FBXO36: variants seen among roughly 807,000 people sequenced by gnomAD.
FBXO36 encodes the protein F-box only protein 36.
Under a neutral mutation model 17.0 loss-of-function variants are expected in FBXO36, and 18 were observed. That is an observed-to-expected ratio of 1.06 (90% CI 0.73 to 1.57). The LOEUF (loss-of-function observed/expected upper bound fraction) is 1.57. Among genes scored for constraint, FBXO36 ranks in the 40% most tolerant of loss-of-function variants. The pLI is 0.00. For missense variants in FBXO36, 229 were observed against 221.9 expected (o/e 1.03, Z -0.20); for synonymous variants, 83 against 85.3 (o/e 0.97, Z 0.15).
chr2:229,973,194 T>C (rs2077189911), intron 1 of FBXO36: 1 of 149,372 alleles, frequency 6.7e-6, no homozygotes, highest in Admixed American at 6.8e-5. Context: ...CAGTTGACAC[T>C]CCTCTCAACG....
intron 1 of FBXO36, among the ~76,000 whole-genome samples, chr2:229,949,492 A>G (rs1022562468): frequency 6.6e-6 from 1 of 151,994 alleles, no homozygotes; most frequent in Non-Finnish European, 1.5e-5. Context: ...ATAAGAAGAG[A>G]TTATAGACAA....
At chr2:229,951,661 C>T (rs997400775) in intron 1 of FBXO36, among the ~76,000 whole-genome samples, 2 of 152,118 alleles carry the variant, frequency 1.3e-5, no homozygotes, top group Non-Finnish European at 2.9e-5. Flanking sequence ...CTATCTTCTC[C>T]CTTAAAGTTT....
intron 1 of FBXO36, among the ~76,000 whole-genome samples, chr2:229,969,920 A>C (rs1489286993): frequency 6.6e-6 from 1 of 152,180 alleles, no homozygotes; most frequent in African/African-American, 2.4e-5. Context: ...ATGGCAGATA[A>C]ATGCATGAAA....
At chr2:229,992,524 T>A (rs942564902) in intron 2 of FBXO36, among the ~76,000 whole-genome samples, 1 of 152,164 alleles carries the variant, frequency 6.6e-6, no homozygotes, top group Admixed American at 6.6e-5. Flanking sequence ...AATGGTTTCT[T>A]CTTGGCTCTT....
At position 229,982,306 on chromosome 2, in the gene FBXO36, G is replaced by C. The variant is rs929656342; in HGVS notation, c.205+5957G>C. Reference sequence around the variant, plus strand: ...CTCCCGTAGTGCTGGGATTACATGCGTGGGCCACTGTGCCCAGCCTCCTTC... The same window carrying C: ...CTCCCGTAGTGCTGGGATTACATGCCTGGGCCACTGTGCCCAGCCTCCTTC... On this transcript the variant is annotated intron_variant, in intron 2 of 3. Coordinates refer to ENST00000283946, the MANE Select transcript of FBXO36 (RefSeq NM_174899.5). Among the ~76,000 whole-genome samples, 5 of 152,006 alleles carry C rather than the reference G, an allele frequency of 3.3e-5. No homozygotes were observed. In the East Asian group the frequency reaches 5.8e-4, roughly 18 times the overall value.
chr2:229,993,994 G>A (rs1019143072), intron 2 of FBXO36, among the ~76,000 whole-genome samples: 2 of 151,602 alleles, frequency 1.3e-5, no homozygotes, highest in South Asian at 2.1e-4. Context: ...GGTTGGTCTC[G>A]ATCTCCTGAC....
intron 2 of FBXO36, among the ~76,000 whole-genome samples, chr2:229,980,219 C>A (rs1399958426): frequency 4.0e-5 from 6 of 151,704 alleles, no homozygotes; most frequent in Non-Finnish European, 8.8e-5. Flanking sequence ...CACCACCACA[C>A]CTGGCTAATT....
At chr2:229,978,145 A>G (rs538999514) in intron 2 of FBXO36, among the ~76,000 whole-genome samples, 86 of 152,178 alleles carry the variant, frequency 5.7e-4, no homozygotes, top group African/African-American at 2.0e-3. Flanking sequence ...TAAATTAGCT[A>G]GGTGTGGTGA....
At chr2:229,932,145 G>A (rs989814724) in intron 1 of FBXO36, among the ~76,000 whole-genome samples, 2 of 152,020 alleles carry the variant, frequency 1.3e-5, no homozygotes, top group African/African-American at 2.4e-5. Context: ...ACTTCAGGAG[G>A]ACGAGGTGGG....
rs570902802 is a variant in FBXO36 at position 230,003,598 on chromosome 2, T to C, written c.378+6675T>C. Among the ~76,000 whole-genome samples the C allele has an allele frequency of 4.5e-4, 68 of 151,994 alleles. 1 individual carries two copies. The highest frequency in any genetic ancestry group is 1.5e-3 in the African/African-American group (62 of 41,466). ...CCCAGGCTGGAGTACAGTGGTGTGA[T>C]CTCAACTCACTGCAACCTCCACCTC... On this transcript the variant is annotated intron_variant, in intron 3 of 3. Transcript: ENST00000283946.
chr2:229,935,402 A>G (rs1419568702), intron 1 of FBXO36, among the ~76,000 whole-genome samples: 2 of 152,120 alleles, frequency 1.3e-5, no homozygotes, highest in African/African-American at 4.8e-5. Context: ...AATCCCAGCT[A>G]CTTGGGAGGT....
At chr2:229,982,357 A>G (rs965533839) in intron 2 of FBXO36, among the ~76,000 whole-genome samples, 2 of 152,058 alleles carry the variant, frequency 1.3e-5, no homozygotes, top group African/African-American at 4.8e-5. Flanking sequence ...CAACAATGGC[A>G]GGTCTTGTCT....
intron 1 of FBXO36, among the ~76,000 whole-genome samples, chr2:229,944,742 A>G (rs1047602488): frequency 1.1e-4 from 17 of 151,092 alleles, no homozygotes; most frequent in South Asian, 2.1e-4. Context: ...ACAGGCGCCC[A>G]CCACCACGCC....
intron 2 of FBXO36, among the ~76,000 whole-genome samples, chr2:229,988,505 C>CTTTGT (rs757013152): frequency 9.2e-5 from 14 of 151,992 alleles, no homozygotes; most frequent in South Asian, 2.1e-4. Flanking sequence ...TGGAGATATT[C>CTTTGT]TTTGTTTTGT....
chr2:229,950,597 C>A lies in FBXO36; in HGVS notation c.97-25644C>A, dbSNP rs199895751. On this transcript the variant is annotated intron_variant, in intron 1 of 3. Transcript: ENST00000283946. Reference sequence around the variant, plus strand: ...ATCATAGATCTAATTAGCTATTATTCGCAATTCATGAGTCAGGTCAGCCTC... The same window carrying A: ...ATCATAGATCTAATTAGCTATTATTAGCAATTCATGAGTCAGGTCAGCCTC... 2.5e-4 allele frequency among the ~76,000 whole-genome samples: 38 copies of A among 152,232 alleles called. No homozygotes were observed. In the East Asian group the frequency reaches 2.5e-3, roughly 10 times the overall value.
intron 1 of FBXO36, among the ~76,000 whole-genome samples, chr2:229,923,963 C>G (rs940962279): frequency 6.9e-5 from 10 of 145,376 alleles, no homozygotes; most frequent in African/African-American, 2.6e-4. Flanking sequence ...CCAGGATGGT[C>G]TCGATCTCTT....
chr2:229,939,375 T>TACTTTAATAC, intron 1 of FBXO36: 1 of 517,630 alleles, frequency 1.9e-6, no homozygotes, highest in Non-Finnish European at 2.5e-6. Flanking sequence ...AAAACTGTAT[T>TACTTTAATAC]AAAGTATCTC....
rs528965452 is a variant in FBXO36, at chr2:229,936,221, C to T, written c.96+13612C>T. On this transcript the variant is annotated intron_variant, in intron 1 of 3. Transcript: ENST00000283946. Reference sequence around the variant, plus strand: ...CAAACAAACAAAAAACTAACTCATCCCCTCTCTTCCATTCTCACAGCACCT... The same window carrying T: ...CAAACAAACAAAAAACTAACTCATCTCCTCTCTTCCATTCTCACAGCACCT... Among the ~76,000 whole-genome samples, 7 of 152,020 alleles carry T rather than the reference C, an allele frequency of 4.6e-5. No homozygotes were observed. In the East Asian group the frequency reaches 1.4e-3, roughly 29 times the overall value.
chr2:229,961,437 G>A (rs1297190302), intron 1 of FBXO36, among the ~76,000 whole-genome samples: 1 of 152,016 alleles, frequency 6.6e-6, no homozygotes, highest in Non-Finnish European at 1.5e-5. Flanking sequence ...GTGCAGTGGT[G>A]CGATCTCGGC....
Sources: gnomAD v4.1 joint callset for allele counts (sites outside exome capture counted in the v4.1 genomes callset) on GRCh38, gnomAD v4.1.1 for gene constraint, MANE v1.5 for transcripts, NCBI Gene and HGNC (gene_info 2026-07-23, HGNC 2026-07-21) for gene names.